Variants in SGCD observed in about 807,000 individuals in gnomAD.
SGCD encodes the protein sarcoglycan delta, also known as delta-sarcoglycan.
SGCD carries 18 observed loss-of-function variants against 36.6 expected under a neutral mutation model. The observed-to-expected ratio is 0.49, with a 90% CI of 0.34 to 0.73. The LOEUF (loss-of-function observed/expected upper bound fraction) is 0.73. Ranked by LOEUF, SGCD falls within the 30% of genes least tolerant of loss-of-function variation. SGCD has a pLI of 0.01. For synonymous variants in SGCD, 133 were observed against 130.6 expected, an observed-to-expected ratio of 1.02 and a Z score of -0.12; for missense variants, 387 against 346.7, an observed-to-expected ratio of 1.12 and a Z score of -0.92.
chr5:156,741,023 T>C (rs1475661102), intron 7 of SGCD, among the ~76,000 whole-genome samples: 1 of 152,230 alleles, frequency 6.6e-6, no homozygotes, highest in Admixed American at 6.5e-5. Flanking sequence ...GGTGTTGGTG[T>C]GAAACTGCTG....
chr5:156,508,726 G>A (rs1224297621), intron 4 of SGCD, 24 bp downstream of exon 4: 1 of 1,349,526 alleles, frequency 7.4e-7, no homozygotes, highest in East Asian at 2.3e-5. Context: ...GAGAGAAGGA[G>A]GCATTATTGT....
the SGCD span, among the ~76,000 whole-genome samples, chr5:155,754,652 T>A: frequency 6.6e-6 from 1 of 152,372 alleles, no homozygotes; most frequent in Admixed American, 6.5e-5. Context: ...CATTAAACAC[T>A]AGTTTTAAAC....
At chr5:156,164,123 A>C (rs1034639478) in intron 3 of SGCD, among the ~76,000 whole-genome samples, 3 of 151,378 alleles carry the variant, frequency 2.0e-5, no homozygotes, top group Admixed American at 2.0e-4. Context: ...TTATAAAATG[A>C]CTCTAAAATG....
chr5:155,834,834 C>CTT, the SGCD span, among the ~76,000 whole-genome samples: 30 of 135,566 alleles, frequency 2.2e-4, no homozygotes, highest in South Asian at 4.1e-3. Flanking sequence ...TGAATGTAAT[C>CTT]TTTTTTTTTT....
intron 3 of SGCD, among the ~76,000 whole-genome samples, chr5:156,244,147 C>G (rs1222124499): frequency 6.6e-6 from 1 of 152,120 alleles, no homozygotes; most frequent in Non-Finnish European, 1.5e-5. Context: ...TATGGTATTA[C>G]TGTAAAAGAT....
At chr5:155,829,057 C>A in the SGCD span, among the ~76,000 whole-genome samples, 38 of 151,914 alleles carry the variant, frequency 2.5e-4, no homozygotes, top group Middle Eastern at 3.4e-3. Flanking sequence ...GATGACCTGG[C>A]TGTGATTTTT....
At chr5:156,512,795 A>G (rs1302584266) in intron 4 of SGCD, among the ~76,000 whole-genome samples, 3 of 152,184 alleles carry the variant, frequency 2.0e-5, no homozygotes, top group Non-Finnish European at 4.4e-5. Flanking sequence ...TTCCACACCC[A>G]TGTGCATTTC....
chr5:156,121,290 A>T (rs903441814), intron 2 of SGCD, among the ~76,000 whole-genome samples: 7 of 152,232 alleles, frequency 4.6e-5, no homozygotes, highest in Admixed American at 6.5e-5. Flanking sequence ...CATTATGTAC[A>T]GTAATGAATG....
the SGCD span, among the ~76,000 whole-genome samples, chr5:155,736,822 G>A: frequency 6.6e-6 from 1 of 152,144 alleles, no homozygotes; most frequent in Non-Finnish European, 1.5e-5. Context: ...GTAACTTGAT[G>A]TTGTGGTTAT....
At chr5:156,060,150 G>A (rs773215879) in intron 1 of SGCD, among the ~76,000 whole-genome samples, 3 of 146,334 alleles carry the variant, frequency 2.1e-5, no homozygotes, top group African/African-American at 7.4e-5. Flanking sequence ...AACCCCAATC[G>A]TCCAATTGCC....
the SGCD span, among the ~76,000 whole-genome samples, chr5:155,809,122 T>C: frequency 6.6e-6 from 1 of 152,178 alleles, no homozygotes. Flanking sequence ...AACTGTCCCT[T>C]CTGAACTGTT....
At chr5:155,816,340 TATA>T in the SGCD span, among the ~76,000 whole-genome samples, 5 of 152,324 alleles carry the variant, frequency 3.3e-5, no homozygotes, top group South Asian at 2.1e-4. Context: ...ACATATTTTG[TATA>T]ATATGTATTA....
intron 6 of SGCD, among the ~76,000 whole-genome samples, chr5:156,632,794 T>C (rs988330845): frequency 1.3e-5 from 2 of 152,182 alleles, no homozygotes; most frequent in East Asian, 1.9e-4. Context: ...AAAGCTACTA[T>C]GGCACGTGTA....
the SGCD span, among the ~76,000 whole-genome samples, chr5:155,812,247 C>G: frequency 1.3e-5 from 2 of 152,190 alleles, no homozygotes; most frequent in Non-Finnish European, 2.9e-5. Flanking sequence ...CATTTATAGG[C>G]TCTCCACAAG....
At chr5:156,092,102 A>G (rs1250657202) in intron 1 of SGCD, among the ~76,000 whole-genome samples, 1 of 152,200 alleles carries the variant, frequency 6.6e-6, no homozygotes, top group Non-Finnish European at 1.5e-5. Flanking sequence ...GTTGACATTC[A>G]TTTGTCCAGG....
the SGCD span, among the ~76,000 whole-genome samples, chr5:155,741,965 G>A: frequency 9.4e-3 from 1,432 of 152,222 alleles, 28 homozygotes; most frequent in African/African-American, 0.033. Flanking sequence ...AATTACAGGC[G>A]TGAGCCACTG....
chr5:156,485,157 C>T (rs1373416663), intron 3 of SGCD, among the ~76,000 whole-genome samples: 1 of 152,274 alleles, frequency 6.6e-6, no homozygotes, highest in East Asian at 1.9e-4. Flanking sequence ...ACCTTTTAGA[C>T]ATGGACTGAG....
intron 3 of SGCD, among the ~76,000 whole-genome samples, chr5:156,236,837 A>ATT (rs571943122): frequency 7.1e-5 from 10 of 139,872 alleles, no homozygotes; most frequent in Admixed American, 5.0e-4. Flanking sequence ...GCTGAGCCAG[A>ATT]TTTTTTTTTT....
intron 3 of SGCD, among the ~76,000 whole-genome samples, chr5:156,206,485 C>G (rs1764282197): frequency 6.6e-6 from 1 of 151,954 alleles, no homozygotes; most frequent in Non-Finnish European, 1.5e-5. Flanking sequence ...ATGAGGTTAC[C>G]TGTTTCCCTA....
Sources: gnomAD v4.1 joint callset for allele counts (sites outside exome capture counted in the v4.1 genomes callset) on GRCh38, gnomAD v4.1.1 for gene constraint, MANE v1.5 for transcripts, NCBI Gene and HGNC (gene_info 2026-07-23, HGNC 2026-07-21) for gene names.